SLC30A7: variants seen among roughly 807,000 people sequenced by gnomAD.
The protein encoded by SLC30A7 is solute carrier family 30 member 7.
A neutral mutation model predicts 46.0 loss-of-function variants in SLC30A7; 35 were observed. That is an observed-to-expected ratio of 0.76 (90% CI 0.58 to 1.01). The LOEUF (loss-of-function observed/expected upper bound fraction) is 1.01. Among genes scored for constraint, SLC30A7 ranks in the 50% least tolerant of loss-of-function variants. The probability of loss-of-function intolerance (pLI) is 0.00; values close to 1 mark genes in which losing one functional copy is unlikely to be tolerated. For missense variants in SLC30A7, 464 were observed against 451.1 expected, an observed-to-expected ratio of 1.03 and a Z score of -0.26; for synonymous variants, 147 against 157.8, an observed-to-expected ratio of 0.93 and a Z score of 0.51.
At chr1:100,910,904 TA>T (rs893957892) in intron 3 of SLC30A7, among the ~76,000 whole-genome samples, 158 bp from the exon 4 acceptor site, 1 of 152,174 alleles carries the variant, frequency 6.6e-6, no homozygotes, top group Non-Finnish European at 1.5e-5. Context: ...TCATTTCTAC[TA>T]TATATAAAAT....
At chr1:100,946,451 G>C (rs1305069101) in intron 8 of SLC30A7, among the ~76,000 whole-genome samples, 1 of 152,110 alleles carries the variant, frequency 6.6e-6, no homozygotes, top group Non-Finnish European at 1.5e-5. Flanking sequence ...ATTATTTTGA[G>C]ATAGATTCCA....
Position 100,961,866 on chromosome 1 carries a change from T to C in SLC30A7, c.881T>C (p.Met294Thr). ...TTAAGAGAATCTGTTGGAATATTAATGCAGAGAACTCCTCCCCTATTAGAA... is the reference window on the plus strand; with the variant it reads ...TTAAGAGAATCTGTTGGAATATTAACGCAGAGAACTCCTCCCCTATTAGAA... ...PLLRESVGIL[M>T]QRTPPLLENS... is the part of the protein sequence containing the mutation. The change falls in exon 9 of 11, where the codon ATG (methionine) becomes ACG (threonine). Residue 294 changes from methionine (M) to threonine (T), a missense_variant. Transcript: ENST00000357650. The C allele has an allele frequency of 6.2e-7, 1 of 1,608,886 alleles. No homozygotes were observed. Among genetic ancestry groups the C allele is most frequent in the Non-Finnish European group, 8.5e-7 (1 of 1,176,550 alleles).
At chr1:100,964,434 C>A (rs1192839280) in intron 9 of SLC30A7, among the ~76,000 whole-genome samples, 2 of 148,932 alleles carry the variant, frequency 1.3e-5, no homozygotes, top group Non-Finnish European at 3.0e-5. Flanking sequence ...GAGAGTTTCT[C>A]TTCTTCACAA....
intron 10 of SLC30A7, among the ~76,000 whole-genome samples, chr1:100,968,584 T>C (rs528277042): frequency 2.0e-5 from 3 of 152,220 alleles, no homozygotes; most frequent in Non-Finnish European, 4.4e-5. Context: ...TTTTAAAGTC[T>C]GTCTCCTGCT....
intron 3 of SLC30A7, 48 bp downstream of exon 3, chr1:100,907,013 AC>A: frequency 1.7e-6 from 2 of 1,168,476 alleles, no homozygotes; most frequent in South Asian, 2.6e-5. Context: ...TAAGATATAC[AC>A]AAAAAAACAC....
intron 3 of SLC30A7, among the ~76,000 whole-genome samples, chr1:100,907,781 GTC>G (rs1024424075): frequency 2.0e-5 from 3 of 150,366 alleles, no homozygotes; most frequent in African/African-American, 7.4e-5. Context: ...CATATTTTCT[GTC>G]TCTCACTCTT....
intron 6 of SLC30A7, among the ~76,000 whole-genome samples, chr1:100,915,879 A>G (rs1199768744): frequency 6.6e-6 from 1 of 152,132 alleles, no homozygotes; most frequent in African/African-American, 2.4e-5. Context: ...ACCAGTTTAC[A>G]TTGCCACCAG....
intron 2 of SLC30A7, among the ~76,000 whole-genome samples, chr1:100,896,886 C>T (rs1415649134): frequency 6.6e-6 from 1 of 152,172 alleles, no homozygotes; most frequent in African/African-American, 2.4e-5. Flanking sequence ...TCTCTTGTCA[C>T]GCTCCCCTCC....
At chr1:100,950,579 A>G (rs191127843) in intron 8 of SLC30A7, among the ~76,000 whole-genome samples, 66 of 152,274 alleles carry the variant, frequency 4.3e-4, no homozygotes, top group Middle Eastern at 3.4e-3. Context: ...CCTCTTGCCA[A>G]GGTCCACTGG....
intron 4 of SLC30A7, 62 bp from the exon 5 acceptor site, chr1:100,912,050 T>A: frequency 6.9e-7 from 1 of 1,455,282 alleles, no homozygotes; most frequent in South Asian, 1.2e-5. Context: ...GTCTTATGAT[T>A]TTGTTAGTTG....
chr1:100,972,833 T>G (rs113381505), intron 10 of SLC30A7, among the ~76,000 whole-genome samples: 6 of 152,134 alleles, frequency 3.9e-5, no homozygotes, highest in African/African-American at 1.2e-4. Flanking sequence ...TGAATATCTG[T>G]CAAATATTGG....
chr1:100,924,680 G>GA (rs34661006), intron 8 of SLC30A7, among the ~76,000 whole-genome samples: 13,139 of 135,606 alleles, frequency 0.097, 710 homozygotes, highest in Middle Eastern at 0.22. Context: ...AAAAAAAAAA[G>GA]AAAAAAAAAA....
chr1:100,987,954 C>G, the SLC30A7 span, among the ~76,000 whole-genome samples: 1 of 152,142 alleles, frequency 6.6e-6, no homozygotes, highest in Non-Finnish European at 1.5e-5. Flanking sequence ...AAGGTTCTAT[C>G]AAGCCCTTCT....
intron 9 of SLC30A7, 22 bp downstream of exon 9, chr1:100,961,940 C>T (rs1466281821): frequency 2.1e-6 from 3 of 1,438,802 alleles, no homozygotes; most frequent in Non-Finnish European, 2.9e-6. Flanking sequence ...ATACTCCAAA[C>T]CATTGGATTT....
Position 100,975,581 on chromosome 1 carries a change from G to T in SLC30A7, c.*724G>T, listed in dbSNP as rs554177973. 1 of 152,414 alleles carries T rather than the reference G, an allele frequency of 6.6e-6. No individual in the cohort carries two copies. Among genetic ancestry groups the T allele is most frequent in the Non-Finnish European group, 1.5e-5 (1 of 68,106 alleles). 9.4% of individuals were successfully genotyped at this position (152,414 alleles called of 1,614,324 possible). On this transcript the variant is annotated 3_prime_UTR_variant, in exon 11 of 11. Transcript: ENST00000357650. The stretch of plus-strand genomic sequence containing the variant: ...TCTCGCTCTGTAGCCAGGCTGGAGT[G>T]CAGTGGCATAATCTCAGCTCACTGC...
At chr1:100,993,598 A>ATATATATATG in the SLC30A7 span, among the ~76,000 whole-genome samples, 3 of 128,238 alleles carry the variant, frequency 2.3e-5, no homozygotes, top group East Asian at 6.7e-4. Flanking sequence ...ATATATATAT[A>ATATATATATG]GCTATTGTGG....
At chr1:100,950,331 A>G (rs932868652) in intron 8 of SLC30A7, among the ~76,000 whole-genome samples, 1 of 152,252 alleles carries the variant, frequency 6.6e-6, no homozygotes, top group Admixed American at 6.5e-5. Flanking sequence ...AATAAAAAAT[A>G]TATTCTCACA....
chr1:100,990,752 GCCACTTATGGA>G, the SLC30A7 span: 1 of 877,742 alleles, frequency 1.1e-6, no homozygotes, highest in Non-Finnish European at 1.7e-6. Context: ...AATCTCTTTT[GCCACTTATGGA>G]CCAGTTATCC....
chr1:100,918,508 T>G (rs1452265880), intron 7 of SLC30A7, among the ~76,000 whole-genome samples: 1 of 152,116 alleles, frequency 6.6e-6, no homozygotes, highest in Non-Finnish European at 1.5e-5. Flanking sequence ...GTAATACCCA[T>G]GCCTGTGACT....
Sources: gnomAD v4.1 joint callset for allele counts (sites outside exome capture counted in the v4.1 genomes callset) on GRCh38, gnomAD v4.1.1 for gene constraint, MANE v1.5 for transcripts, NCBI Gene and HGNC (gene_info 2026-07-23, HGNC 2026-07-21) for gene names.